Variants in SCLT1 observed in about 807,000 individuals in gnomAD.
The protein encoded by SCLT1 is sodium channel and clathrin linker 1, also known as sodium channel-associated protein 1.
Under a neutral mutation model 112.8 loss-of-function variants are expected in SCLT1, and 78 were observed. The observed-to-expected ratio is 0.69, with a 90% CI of 0.58 to 0.83. The LOEUF (loss-of-function observed/expected upper bound fraction) is 0.83, where lower values mean the gene tolerates loss of function less well. Ranked by LOEUF, SCLT1 falls within the 40% of genes least tolerant of loss-of-function variation. SCLT1 has a pLI of 0.00. For synonymous variants in SCLT1, 257 were observed against 254.7 expected (o/e 1.01, Z -0.09); for missense variants, 747 against 770.4 (o/e 0.97, Z 0.36).
intron 18 of SCLT1, 52 bp downstream of exon 18, chr4:128,936,603 G>A: frequency 8.8e-7 from 1 of 1,137,288 alleles, no homozygotes. Flanking sequence ...TTAAACTATA[G>A]GTTAAAGAAT....
intron 9 of SCLT1, among the ~76,000 whole-genome samples, chr4:128,979,071 G>C (rs185320616): frequency 2.3e-4 from 35 of 152,200 alleles, no homozygotes; most frequent in African/African-American, 7.5e-4. Context: ...TACCTACAGA[G>C]GTTGGATACT....
intron 18 of SCLT1, among the ~76,000 whole-genome samples, chr4:128,925,310 C>T (rs950491807): frequency 5.9e-5 from 9 of 151,670 alleles, no homozygotes; most frequent in Admixed American, 2.6e-4. Context: ...CTACACAAAG[C>T]GTTTTCATCA....
intron 5 of SCLT1, chr4:129,037,103 G>A (rs933088107): frequency 6.7e-6 from 1 of 149,370 alleles, no homozygotes; most frequent in Non-Finnish European, 1.5e-5. Context: ...TCTTACAGGA[G>A]ATACAAAGAA....
intron 9 of SCLT1, among the ~76,000 whole-genome samples, chr4:128,983,327 T>G (rs969292125): frequency 2.6e-5 from 4 of 152,194 alleles, no homozygotes; most frequent in Admixed American, 2.6e-4. Context: ...GGAAAATAAT[T>G]ATCATCATAA....
intron 17 of SCLT1, among the ~76,000 whole-genome samples, chr4:128,941,059 G>T (rs183262928): frequency 6.6e-6 from 1 of 150,952 alleles, no homozygotes; most frequent in Non-Finnish European, 1.5e-5. Flanking sequence ...TTTTTTATTC[G>T]GTTACAAATA....
At chr4:128,875,402 G>A (rs1732486743) in intron 4 of SCLT1, among the ~76,000 whole-genome samples, 1 of 152,186 alleles carries the variant, frequency 6.6e-6, no homozygotes. Flanking sequence ...CAACTCTGAT[G>A]GCGAGACTGA....
At chr4:128,886,900 G>A (rs534459412) in intron 20 of SCLT1, among the ~76,000 whole-genome samples, 1 of 152,138 alleles carries the variant, frequency 6.6e-6, no homozygotes, top group African/African-American at 2.4e-5. Flanking sequence ...TTTCGTAGAC[G>A]TTTTCTTTGC....
intron 5 of SCLT1, among the ~76,000 whole-genome samples, chr4:129,011,435 A>G (rs1744510962): frequency 6.6e-6 from 1 of 152,114 alleles, no homozygotes; most frequent in Non-Finnish European, 1.5e-5. Flanking sequence ...GCCTCATAAA[A>G]TGAGTTTTAT....
intron 5 of SCLT1, among the ~76,000 whole-genome samples, chr4:129,012,692 C>A (rs897190178): frequency 1.3e-5 from 2 of 152,022 alleles, no homozygotes; most frequent in Non-Finnish European, 2.9e-5. Flanking sequence ...CTTTACAAAT[C>A]TGCGTGCTCC....
intron 9 of SCLT1, among the ~76,000 whole-genome samples, chr4:128,987,818 T>C (rs1211929097): frequency 6.6e-6 from 1 of 152,116 alleles, no homozygotes; most frequent in Admixed American, 6.5e-5. Context: ...AAGATATGAC[T>C]ATCCAGGTAC....
At chr4:129,067,160 C>T (rs553024248) in intron 2 of SCLT1, among the ~76,000 whole-genome samples, 95 of 151,892 alleles carry the variant, frequency 6.3e-4, no homozygotes, top group South Asian at 3.9e-3. Flanking sequence ...AAGTGTTTAA[C>T]CTAATTCCTG....
At chr4:128,949,748 A>G (rs1469540800) in intron 14 of SCLT1, among the ~76,000 whole-genome samples, 3 of 150,772 alleles carry the variant, frequency 2.0e-5, no homozygotes, top group African/African-American at 7.3e-5. Context: ...CATGGTGTAT[A>G]TGTGCCACAT....
intron 5 of SCLT1, among the ~76,000 whole-genome samples, chr4:129,005,398 A>G (rs1030065899): frequency 1.3e-5 from 2 of 152,228 alleles, no homozygotes; most frequent in Non-Finnish European, 2.9e-5. Context: ...TTACGCAGCC[A>G]AAAGACACAT....
rs573118139 is a variant in SCLT1 at position 129,024,579 on chromosome 4, T to C, written c.290+14462A>G. ...ACCATCATCAAAGACCAAAAGTAGA[T>C]AAAACCACAAAGATGGGGAAAAAAC... On this transcript the variant is annotated intron_variant, in intron 5 of 20. Transcript: ENST00000281142. 3.7e-3 allele frequency among the ~76,000 whole-genome samples: 568 copies of C among 151,918 alleles called. 1 individual carries two copies. The highest frequency in any genetic ancestry group is 0.011 in the African/African-American group (470 of 41,400).
chr4:129,058,344 G>T (rs1029946206), intron 2 of SCLT1, among the ~76,000 whole-genome samples: 6 of 151,334 alleles, frequency 4.0e-5, no homozygotes, highest in Non-Finnish European at 7.4e-5. Flanking sequence ...TATTTTTTTT[G>T]ATGTAGGCAT....
intron 12 of SCLT1, among the ~76,000 whole-genome samples, chr4:128,957,754 C>T (rs1253299485): frequency 6.6e-6 from 1 of 152,150 alleles, no homozygotes; most frequent in Non-Finnish European, 1.5e-5. Context: ...GCTTTCACCA[C>T]CATGATCTCC....
chr4:128,879,520 C>T (rs1490972628), downstream of SCLT1, among the ~76,000 whole-genome samples: 1 of 152,198 alleles, frequency 6.6e-6, no homozygotes, highest in African/African-American at 2.4e-5. Context: ...TCTGGTCCAG[C>T]TGTGCCACCT....
chr4:129,018,487 G>C (rs1202342980), intron 5 of SCLT1, among the ~76,000 whole-genome samples: 1 of 152,072 alleles, frequency 6.6e-6, no homozygotes, highest in Non-Finnish European at 1.5e-5. Flanking sequence ...ATTAGAGGTA[G>C]GTAAGGTAAT....
At chr4:128,878,167 CCA>C (rs1491569801) in intron 3 of SCLT1, among the ~76,000 whole-genome samples, 10 of 152,174 alleles carry the variant, frequency 6.6e-5, no homozygotes, top group African/African-American at 2.4e-4. Context: ...TATAATAAAT[CCA>C]GTTATTTTTA....
Sources: allele counts gnomAD v4.1 joint callset (sites outside exome capture counted in the v4.1 genomes callset), GRCh38; gene constraint gnomAD v4.1.1; transcripts MANE v1.5; gene names NCBI Gene and HGNC (gene_info 2026-07-23, HGNC 2026-07-21).